Variants in ADAM12 observed in about 807,000 individuals in gnomAD.
The protein encoded by ADAM12 is ADAM metallopeptidase domain 12.
In ADAM12, 70 loss-of-function variants were observed where a neutral mutation model predicts 106.4. That is an observed-to-expected ratio of 0.66 (90% confidence interval 0.54 to 0.80). The LOEUF is 0.80. Among genes scored for constraint, ADAM12 ranks in the 30% least tolerant of loss-of-function variants. The probability of loss-of-function intolerance (pLI) is 0.00; values close to 1 mark genes in which losing one functional copy is unlikely to be tolerated. For synonymous variants in ADAM12, 420 were observed against 433.5 expected, an observed-to-expected ratio of 0.97 and a Z score of 0.39; for missense variants, 1,010 against 1,171.9, an observed-to-expected ratio of 0.86 and a Z score of 2.02.
At chr10:126,041,755 CT>C (rs1954176209) in intron 18 of ADAM12, 2 of 1,053,634 alleles carry the variant, frequency 1.9e-6, no homozygotes, top group Admixed American at 1.0e-4. Flanking sequence ...AAAGGGGACA[CT>C]GGGCCCAACC....
chr10:126,209,883 C>T (rs144430276), intron 3 of ADAM12, among the ~76,000 whole-genome samples: 76 of 152,354 alleles, frequency 5.0e-4, no homozygotes, highest in African/African-American at 1.7e-3. Flanking sequence ...ATGAAAAGCT[C>T]AAGATACAGC....
intron 2 of ADAM12, among the ~76,000 whole-genome samples, chr10:126,309,845 G>C (rs187869898): frequency 1.4e-4 from 21 of 152,246 alleles, no homozygotes; most frequent in Admixed American, 3.3e-4. Flanking sequence ...TAAAGATTTT[G>C]TGTCATGTTA....
intron 14 of ADAM12, among the ~76,000 whole-genome samples, chr10:126,058,735 C>T (rs1295786604): frequency 6.6e-6 from 1 of 152,206 alleles, no homozygotes; most frequent in Non-Finnish European, 1.5e-5. Flanking sequence ...CAACAGAGTG[C>T]TTCCCGTGGC....
intron 1 of ADAM12, among the ~76,000 whole-genome samples, chr10:126,333,129 C>T (rs1268054719): frequency 1.3e-5 from 2 of 152,168 alleles, no homozygotes; most frequent in African/African-American, 2.4e-5. Flanking sequence ...ACTGTCAAAG[C>T]GATCGCGAGC....
Position 126,103,745 on chromosome 10 carries a change from G to A in ADAM12, c.742-2504C>T, listed in dbSNP as rs148400375. On this transcript the variant is annotated intron_variant, in intron 8 of 22. Coordinates refer to ENST00000448723, the MANE Select transcript of ADAM12 (RefSeq NM_001288973.2). ...AATGGAGCTTGGCAGCTGCCTGCCT[G>A]ACTTACAAAGCCCAGAACATATGTG... is the stretch of plus-strand genomic sequence containing the variant. Among the ~76,000 whole-genome samples, 432 of 152,342 alleles carry A rather than the reference G, an allele frequency of 2.8e-3. 1 individual carries two copies. Among genetic ancestry groups the A allele is most frequent in the Non-Finnish European group, 4.9e-3 (330 of 68,026 alleles).
At chr10:126,206,332 C>A (rs969538664) in intron 3 of ADAM12, among the ~76,000 whole-genome samples, 1 of 152,120 alleles carries the variant, frequency 6.6e-6, no homozygotes, top group Non-Finnish European at 1.5e-5. Context: ...AATCCCAAAA[C>A]GATAGACGAT....
At chr10:126,072,698 G>A (rs1955021871) in intron 11 of ADAM12, among the ~76,000 whole-genome samples, 3 of 152,158 alleles carry the variant, frequency 2.0e-5, no homozygotes, top group African/African-American at 4.8e-5. Flanking sequence ...CATACACAGA[G>A]TGTCTCACTT....
rs115358678 is a variant in ADAM12 at position 126,061,536 on chromosome 10, G to A, written c.1609+3270C>T. Among the ~76,000 whole-genome samples, 612 of 152,306 alleles carry A rather than the reference G, an allele frequency of 4.0e-3. 8 individuals carry two copies. The highest frequency in any genetic ancestry group is 0.014 in the African/African-American group (585 of 41,552). ...AAGATGTGATTACTTTTAGGATCTT[G>A]AGGTGGGGAGATCACCCTGGACAAT... On this transcript the variant is annotated intron_variant, in intron 14 of 22. Coordinates refer to ENST00000448723, the MANE Select transcript of ADAM12 (RefSeq NM_001288973.2).
At chr10:126,294,609 T>C (rs1023228207) in intron 2 of ADAM12, among the ~76,000 whole-genome samples, 3 of 152,018 alleles carry the variant, frequency 2.0e-5, no homozygotes, top group African/African-American at 7.3e-5. Flanking sequence ...ATCAACTTAC[T>C]TGGACTATAA....
At chr10:126,017,885 T>C (rs755421104) in intron 22 of ADAM12, among the ~76,000 whole-genome samples, 27 of 152,180 alleles carry the variant, frequency 1.8e-4, no homozygotes, top group Admixed American at 3.3e-4. Context: ...AGAGGTAAGA[T>C]TGGCCACAGC....
intron 3 of ADAM12, among the ~76,000 whole-genome samples, chr10:126,156,764 C>T (rs994507513): frequency 1.3e-5 from 2 of 152,146 alleles, no homozygotes; most frequent in African/African-American, 4.8e-5. Context: ...GTCGGCCAGG[C>T]CCAGGACAGG....
intron 2 of ADAM12, among the ~76,000 whole-genome samples, chr10:126,298,405 G>T (rs1336558127): frequency 6.6e-6 from 1 of 152,120 alleles, no homozygotes; most frequent in Non-Finnish European, 1.5e-5. Context: ...TCAATGAATA[G>T]GTTCAATGGC....
rs539012579 is a variant in ADAM12 at position 126,084,612 on chromosome 10, T to C, written c.1145+9373A>G. Among the ~76,000 whole-genome samples the C allele has an allele frequency of 2.6e-5, 4 of 152,220 alleles. No homozygotes were observed. The South Asian group carries it at 6.2e-4, about 24-fold the overall frequency. ...GATAGAGGCTTCTAATCAAACATGA[T>C]AGAAAAAGCAGTCACGGTAGATATC... is the stretch of plus-strand genomic sequence containing the variant. On this transcript the variant is annotated intron_variant, in intron 11 of 22. Coordinates refer to ENST00000448723, the MANE Select transcript of ADAM12 (RefSeq NM_001288973.2).
intron 11 of ADAM12, among the ~76,000 whole-genome samples, chr10:126,072,679 G>A (rs1955021319): frequency 4.6e-5 from 7 of 152,168 alleles, no homozygotes; most frequent in Admixed American, 4.6e-4. Context: ...AGCAGCCAGT[G>A]TTATCCAACA....
intron 11 of ADAM12, among the ~76,000 whole-genome samples, chr10:126,087,215 C>T (rs1299748663): frequency 1.3e-5 from 2 of 152,114 alleles, no homozygotes; most frequent in Non-Finnish European, 2.9e-5. Context: ...ACTTGGGCAG[C>T]AGCTTTTCAT....
intron 3 of ADAM12, among the ~76,000 whole-genome samples, chr10:126,177,556 A>G (rs947828354): frequency 2.0e-5 from 3 of 152,238 alleles, no homozygotes; most frequent in African/African-American, 7.2e-5. Context: ...ATCAGTTTCA[A>G]GGTTTCCTAC....
At chr10:126,260,886 A>C (rs1323612828) in intron 3 of ADAM12, among the ~76,000 whole-genome samples, 1 of 152,254 alleles carries the variant, frequency 6.6e-6, no homozygotes, top group African/African-American at 2.4e-5. Flanking sequence ...TTATGTCCAT[A>C]CAATTGGCCC....
chr10:126,346,084 T>G (rs1855128017), intron 1 of ADAM12, among the ~76,000 whole-genome samples: 1 of 152,230 alleles, frequency 6.6e-6, no homozygotes, highest in South Asian at 2.1e-4. Flanking sequence ...TGTTTGCTCT[T>G]GCTTCTCTAG....
chr10:126,338,246 A>ATTTTTTTT (rs200317403), intron 1 of ADAM12, among the ~76,000 whole-genome samples: 14 of 89,838 alleles, frequency 1.6e-4, no homozygotes, highest in East Asian at 7.1e-4. Context: ...AGTAACTTAC[A>ATTTTTTTT]TTTTTTTTTT....
Sources: gnomAD v4.1 joint callset for allele counts (sites outside exome capture counted in the v4.1 genomes callset) on GRCh38, gnomAD v4.1.1 for gene constraint, MANE v1.5 for transcripts, NCBI Gene and HGNC (gene_info 2026-07-23, HGNC 2026-07-21) for gene names.